ST7: variants seen among roughly 807,000 people sequenced by gnomAD.
The protein encoded by ST7 is suppressor of tumorigenicity 7 protein.
ST7 carries 28 observed loss-of-function variants against 78.7 expected under a neutral mutation model. The ratio of observed to expected loss-of-function variants is 0.36; its 90% CI spans 0.26 to 0.49. The LOEUF is 0.49. Among genes scored for constraint, ST7 ranks in the 20% least tolerant of loss-of-function variants. ST7 has a pLI of 0.99. For synonymous variants in ST7, 247 were observed against 249.6 expected, an observed-to-expected ratio of 0.99 and a Z score of 0.10; for missense variants, 418 against 696.0, an observed-to-expected ratio of 0.60 and a Z score of 4.49.
chr7:117,017,283 T>C (rs192090539), intron 1 of ST7, among the ~76,000 whole-genome samples: 104 of 152,324 alleles, frequency 6.8e-4, no homozygotes, highest in African/African-American at 2.4e-3. Flanking sequence ...ACAAGCTTCA[T>C]AGGGGAGGGA....
At chr7:117,128,943 A>C (rs568077203) in intron 3 of ST7, among the ~76,000 whole-genome samples, 7 of 151,958 alleles carry the variant, frequency 4.6e-5, no homozygotes, top group African/African-American at 1.7e-4. Flanking sequence ...TTTATAATAA[A>C]ATCTTATTCA....
chr7:117,101,840 A>G (rs1801589538), intron 2 of ST7, among the ~76,000 whole-genome samples: 1 of 152,206 alleles, frequency 6.6e-6, no homozygotes, highest in African/African-American at 2.4e-5. Flanking sequence ...TCTGTTTTGG[A>G]TAAATGAAAA....
chr7:117,182,623 C>T (rs994545545), intron 10 of ST7: 2 of 152,022 alleles, frequency 1.3e-5, no homozygotes, highest in African/African-American at 4.8e-5. Context: ...GTATTGTTGA[C>T]CACACAATCA....
rs1386658398 is a variant in ST7, at chr7:117,222,037, A to G, written c.1613A>G (p.Glu538Gly). Residue 538 changes from glutamate to glycine, a missense_variant, in exon 15 of 16, where the codon GAA becomes GGA. Coordinates refer to ENST00000323984, the MANE Select transcript of ST7 (RefSeq NM_001369598.1). Reference protein sequence around the residue: ...MLALLTHQFPELMGVFAKAFL... With the variant: ...MLALLTHQFPGLMGVFAKAFL... Reference sequence around the variant, plus strand: ...GCCCTCCTGACACATCAGTTCCCGGAACTTATGGGGGTCTTCGCAAAAGCT... The same window carrying G: ...GCCCTCCTGACACATCAGTTCCCGGGACTTATGGGGGTCTTCGCAAAAGCT... The G allele has an allele frequency of 5.6e-6, 9 of 1,611,918 alleles. No homozygotes were observed. The highest frequency in any genetic ancestry group is 1.3e-5 in the African/African-American group (1 of 74,710).
At chr7:116,971,347 C>T (rs1394334625) in intron 1 of ST7, among the ~76,000 whole-genome samples, 1 of 152,096 alleles carries the variant, frequency 6.6e-6, no homozygotes, top group Non-Finnish European at 1.5e-5. Context: ...ATGGCTGAAT[C>T]AGTGGCAAAA....
intron 9 of ST7, among the ~76,000 whole-genome samples, chr7:117,169,846 G>A (rs1244404608): frequency 7.8e-6 from 1 of 127,684 alleles, no homozygotes; most frequent in Middle Eastern, 4.4e-3. Flanking sequence ...TCTCCACTGT[G>A]TGGCTGTTTT....
intron 2 of ST7, among the ~76,000 whole-genome samples, chr7:117,116,825 T>C (rs1482752311): frequency 6.6e-6 from 1 of 152,180 alleles, no homozygotes; most frequent in Non-Finnish European, 1.5e-5. Flanking sequence ...GGGTAGAAGG[T>C]CTATCACCTA....
At chr7:117,066,318 G>A (rs1346527673) in intron 1 of ST7, among the ~76,000 whole-genome samples, 4 of 152,150 alleles carry the variant, frequency 2.6e-5, no homozygotes, top group South Asian at 2.1e-4. Flanking sequence ...GAAATAGACC[G>A]TGTCTATGTA....
intron 10 of ST7, among the ~76,000 whole-genome samples, chr7:117,178,119 G>C (rs886254449): frequency 6.6e-6 from 1 of 152,122 alleles, no homozygotes; most frequent in African/African-American, 2.4e-5. Flanking sequence ...ATAATTTGTT[G>C]CCTGACCAAG....
At chr7:117,181,143 G>A (rs1185390520) in intron 10 of ST7, among the ~76,000 whole-genome samples, 3 of 152,112 alleles carry the variant, frequency 2.0e-5, no homozygotes, top group Non-Finnish European at 2.9e-5. Flanking sequence ...ATAGATAAAA[G>A]TGTAAGGAAA....
At chr7:117,134,474 C>A (rs1401746446) in intron 7 of ST7, among the ~76,000 whole-genome samples, 2 of 151,926 alleles carry the variant, frequency 1.3e-5, no homozygotes, top group African/African-American at 4.8e-5. Flanking sequence ...TGTTTCTTGG[C>A]CAGTAGTGCT....
chr7:117,221,853 A>G (rs1793116792), intron 14 of ST7, 70 bp from the exon 15 acceptor site: 5 of 1,477,312 alleles, frequency 3.4e-6, no homozygotes, highest in Non-Finnish European at 4.5e-6. Context: ...AGTCAGTGCC[A>G]CCATAAAGAC....
chr7:117,027,611 G>A (rs1460982080), intron 1 of ST7, among the ~76,000 whole-genome samples: 1 of 151,526 alleles, frequency 6.6e-6, no homozygotes, highest in African/African-American at 2.4e-5. Flanking sequence ...GGCGGGACAT[G>A]GTGGCCCATA....
chr7:117,129,086 G>A (rs1158303311), intron 3 of ST7, among the ~76,000 whole-genome samples: 1 of 151,708 alleles, frequency 6.6e-6, no homozygotes, highest in African/African-American at 2.4e-5. Context: ...CTAAGTTAAA[G>A]TCCTTTTGTT....
intron 12 of ST7, among the ~76,000 whole-genome samples, chr7:117,209,151 G>A (rs943155891): frequency 6.6e-6 from 1 of 152,106 alleles, no homozygotes; most frequent in African/African-American, 2.4e-5. Context: ...TAGCAATGAA[G>A]AGGTGTACGC....
intron 9 of ST7, among the ~76,000 whole-genome samples, chr7:117,154,676 T>C (rs1166356211): frequency 6.6e-6 from 1 of 152,186 alleles, no homozygotes; most frequent in Non-Finnish European, 1.5e-5. Flanking sequence ...GTTTACTGGG[T>C]AGTTTTGGCT....
chr7:116,992,683 A>C (rs543922208), intron 1 of ST7, among the ~76,000 whole-genome samples: 63 of 152,338 alleles, frequency 4.1e-4, no homozygotes, highest in African/African-American at 1.4e-3. Flanking sequence ...CTCATTACTT[A>C]TGCAAATATC....
intron 9 of ST7, among the ~76,000 whole-genome samples, chr7:117,138,747 T>C (rs1181640161): frequency 6.6e-6 from 1 of 152,158 alleles, no homozygotes; most frequent in Non-Finnish European, 1.5e-5. Flanking sequence ...ATCTCTAAAA[T>C]GGGAACAACA....
At chr7:117,144,454 C>T (rs1018107475) in intron 9 of ST7, among the ~76,000 whole-genome samples, 5 of 150,690 alleles carry the variant, frequency 3.3e-5, no homozygotes, top group Admixed American at 3.3e-4. Context: ...ATGATGAAAC[C>T]CCATCTCTAC....
Sources: allele counts gnomAD v4.1 joint callset (sites outside exome capture counted in the v4.1 genomes callset), GRCh38; gene constraint gnomAD v4.1.1; transcripts MANE v1.5; gene names NCBI Gene and HGNC (gene_info 2026-07-23, HGNC 2026-07-21).